Variants in CASZ1 observed in about 807,000 individuals in gnomAD.
CASZ1 encodes castor zinc finger 1.
CASZ1 carries 28 observed loss-of-function variants against 135.2 expected under a neutral mutation model. The ratio of observed to expected loss-of-function variants is 0.21; its 90% CI spans 0.15 to 0.28. The LOEUF is 0.28. CASZ1 is among the 10% of genes least tolerant of loss of function. CASZ1 has a pLI of 1.00. For missense variants in CASZ1, 2,161 were observed against 2,453.3 expected, an observed-to-expected ratio of 0.88 and a Z score of 2.52; for synonymous variants, 1,068 against 1,073.4, an observed-to-expected ratio of 0.99 and a Z score of 0.10.
At position 10,727,739 on chromosome 1, in the gene CASZ1, G is replaced by A. The variant is rs781569946; in HGVS notation, c.-76-22195C>T. Among the ~76,000 whole-genome samples the A allele has an allele frequency of 3.8e-4, 58 of 152,200 alleles. 1 individual carries two copies. The highest frequency in any genetic ancestry group is 5.9e-4 in the Non-Finnish European group (40 of 68,028). On this transcript the variant is annotated intron_variant, in intron 2 of 20. Coordinates refer to ENST00000377022, the MANE Select transcript of CASZ1 (RefSeq NM_001079843.3). This position sits in a 1 kb window ranked among gnomAD's most constrained non-coding sequence, Gnocchi z 5.3. ...GAGCTGAGAAGCTGGCCTTCACCTC[G>A]TTCCTGATCAGAGGCTGAGGAAGGC...
At chr1:10,688,514 C>A (rs568597599) in intron 4 of CASZ1, among the ~76,000 whole-genome samples, 11 of 152,258 alleles carry the variant, frequency 7.2e-5, no homozygotes, top group Admixed American at 5.9e-4. Flanking sequence ...CCCTTAAGGC[C>A]ACTCTTTCAC....
intron 4 of CASZ1, among the ~76,000 whole-genome samples, chr1:10,690,647 G>A (rs572291119): frequency 1.3e-5 from 2 of 152,242 alleles, no homozygotes; most frequent in South Asian, 2.1e-4. Flanking sequence ...CAGCCACAGC[G>A]ACACATGGGC....
chr1:10,738,676 GC>G (rs2100525653), intron 2 of CASZ1, among the ~76,000 whole-genome samples: 2 of 152,388 alleles, frequency 1.3e-5, no homozygotes, highest in African/African-American at 4.8e-5. Context: ...CAAAGGTGGG[GC>G]TGAAGGTGAG....
intron 1 of CASZ1, among the ~76,000 whole-genome samples, chr1:10,793,104 T>TA (rs949883126): frequency 6.6e-5 from 10 of 152,210 alleles, no homozygotes; most frequent in Admixed American, 3.3e-4. Flanking sequence ...TTTTTCTTAT[T>TA]AAAAAATTAT....
intron 3 of CASZ1, chr1:10,704,566 G>C (rs190410476): frequency 5.9e-5 from 9 of 152,368 alleles, no homozygotes; most frequent in South Asian, 2.1e-4. Context: ...CGTCCTCCTG[G>C]GGGGAAGGGG....
chr1:10,653,676 C>A lies in CASZ1; in HGVS notation c.2381G>T (p.Gly794Val). ...IPLALALSNS[G>V]LPTPTPYFPI... ...GAAGTAGGGCGTGGGGGTGGGCAGG[C>A]CCGAGTTGGAGAGGGCCAGGGCCAG... Residue 794 changes from glycine (G) to valine (V), a missense_variant, in exon 11 of 21, where the codon GGC (glycine) becomes GTC (valine). Physicochemically the swap from Gly to Val is moderately radical, Grantham distance 109. Transcript: ENST00000377022. 6.4e-7 allele frequency: 1 copy of A among 1,561,182 alleles called. No individual in the cohort carries two copies. The highest frequency in any genetic ancestry group is 8.7e-7 in the Non-Finnish European group (1 of 1,153,940).
chr1:10,710,463 G>GGA (rs1277050990), intron 2 of CASZ1, among the ~76,000 whole-genome samples: 1 of 152,198 alleles, frequency 6.6e-6, no homozygotes, highest in African/African-American at 2.4e-5. Context: ...AGTCTCCCCA[G>GGA]GAGGAAGGGT....
chr1:10,709,686 G>C lies in CASZ1; in HGVS notation c.-76-4142C>G, dbSNP rs1462622115. Among the ~76,000 whole-genome samples, 3 of 152,184 alleles carry C rather than the reference G, an allele frequency of 2.0e-5. No individual in the cohort carries two copies. Among genetic ancestry groups the C allele is most frequent in the Admixed American group, 6.5e-5 (1 of 15,286 alleles). On this transcript the variant is annotated intron_variant, in intron 2 of 20. Coordinates refer to ENST00000377022, the MANE Select transcript of CASZ1 (RefSeq NM_001079843.3). The surrounding 1 kb of genome is among the most constrained non-coding windows in gnomAD (Gnocchi z 5.1). ...AGAAAGCGAATCAAAGTGCTGCCCG[G>C]AGGACGGCTGGGGAGAGAAAGGCCC...
At chr1:10,656,559 C>T (rs1348554362) in intron 8 of CASZ1, 87 bp downstream of exon 8, 32 of 1,002,824 alleles carry the variant, frequency 3.2e-5, no homozygotes, top group East Asian at 5.2e-5. Context: ...CTAACCCCCC[C>T]CACTGCCGTC....
Position 10,647,391 on chromosome 1 carries a change from A to T in CASZ1, c.3497+410T>A. 1 of 1,072,336 alleles carries T rather than the reference A, an allele frequency of 9.3e-7. No homozygotes were observed. Among genetic ancestry groups the T allele is most frequent in the Non-Finnish European group, 1.1e-6 (1 of 883,040 alleles). The allele number at this position is 1,072,336 out of a possible 1,614,324, so 66.4% of individuals were successfully genotyped here. Reference sequence around the variant, plus strand: ...TGGAGGGGCCTGGCCCCTACCCGTGACTTCACGTGCCCTGCAGAGATTCAG... The same window carrying T: ...TGGAGGGGCCTGGCCCCTACCCGTGTCTTCACGTGCCCTGCAGAGATTCAG... On this transcript the variant is annotated intron_variant, in intron 16 of 20. Coordinates refer to ENST00000377022, the MANE Select transcript of CASZ1 (RefSeq NM_001079843.3). The surrounding 1 kb of genome is among the most constrained non-coding windows in gnomAD (Gnocchi z 4.9).
chr1:10,769,660 G>T (rs1002158537), intron 1 of CASZ1, among the ~76,000 whole-genome samples: 1 of 151,986 alleles, frequency 6.6e-6, no homozygotes, highest in African/African-American at 2.4e-5. Flanking sequence ...GGGATTACAG[G>T]TGCGCACCAC....
intron 4 of CASZ1, among the ~76,000 whole-genome samples, chr1:10,674,396 G>A (rs1338742505): frequency 6.6e-6 from 1 of 152,254 alleles, no homozygotes; most frequent in Non-Finnish European, 1.5e-5. Context: ...TGAATCCAGC[G>A]TGGGGTCCGA....
rs528769907 is a variant in CASZ1, at chr1:10,666,543, C to G, written c.17-972G>C. Among the ~76,000 whole-genome samples, 1 of 152,296 alleles carries G rather than the reference C, an allele frequency of 6.6e-6. No homozygotes were observed. The highest frequency in any genetic ancestry group is 2.4e-5 in the African/African-American group (1 of 41,582). ...AGCTCCAGCAGGTGCAGGGTGGGAT[C>G]GCTTAGGTCCCTCACGGAACGCCCC... On this transcript the variant is annotated intron_variant, in intron 4 of 20. Transcript: ENST00000377022. This position sits in a 1 kb window ranked among gnomAD's most constrained non-coding sequence, Gnocchi z 5.2.
rs991274083 is a variant in CASZ1 at position 10,687,391 on chromosome 1, C to T, written c.16+6483G>A. Among the ~76,000 whole-genome samples the T allele has an allele frequency of 3.3e-5, 5 of 152,358 alleles. No individual in the cohort carries two copies. The East Asian group carries it at 5.8e-4, about 18-fold the overall frequency. The stretch of plus-strand genomic sequence containing the variant: ...AAGGGTGTCAGCAGGTGAGTGATTA[C>T]AGCACCAGCAGGGCCCAGAAGGGCC... On this transcript the variant is annotated intron_variant, in intron 4 of 20. Coordinates refer to ENST00000377022, the MANE Select transcript of CASZ1 (RefSeq NM_001079843.3).
At position 10,647,752 on chromosome 1, in the gene CASZ1, C is replaced by T; in HGVS notation, c.3497+49G>A. 1 of 1,608,806 alleles carries T rather than the reference C, an allele frequency of 6.2e-7. No individual in the cohort carries two copies. The highest frequency in any genetic ancestry group is 8.5e-7 in the Non-Finnish European group (1 of 1,179,854). On this transcript the variant is annotated intron_variant, in intron 16 of 20. Transcript: ENST00000377022. The surrounding 1 kb of genome is among the most constrained non-coding windows in gnomAD (Gnocchi z 4.9). ...CCTAGCGCCCTTGCTAGCACCTACT[C>T]CCGAGACGCGAGGGGAACGCGGGAC...
At position 10,657,996 on chromosome 1, in the gene CASZ1, C is replaced by CT. The variant is rs1194066214; in HGVS notation, c.1409+511dup. On this transcript the variant is annotated intron_variant, in intron 7 of 20. Transcript: ENST00000377022. This position sits in a 1 kb window ranked among gnomAD's most constrained non-coding sequence, Gnocchi z 5.7. ...ACCTTCTCTCTCGCTTTCTCTCTCT[C>CT]TTTTTTTTTTTTTTTTTAAAGAGAT... 0.023 allele frequency: 2,951 copies of CT among 126,134 alleles called. 48 individuals carry two copies. Among genetic ancestry groups the CT allele is most frequent in the East Asian group, 0.11 (464 of 4,100 alleles). 7.8% of individuals were successfully genotyped at this position (126,134 alleles called of 1,614,324 possible).
At chr1:10,779,599 C>T (rs542360053) in intron 1 of CASZ1, among the ~76,000 whole-genome samples, 1 of 152,308 alleles carries the variant, frequency 6.6e-6, no homozygotes, top group African/African-American at 2.4e-5. Flanking sequence ...AACAAATCAC[C>T]GTAGTCCCAC....
chr1:10,781,642 G>A (rs2100613195), intron 1 of CASZ1, among the ~76,000 whole-genome samples: 1 of 152,304 alleles, frequency 6.6e-6, no homozygotes, highest in East Asian at 1.9e-4. Context: ...GGCCTTGGGG[G>A]TCTCTGGAGC....
rs368530771 is a variant in CASZ1, at chr1:10,665,102, G to A, written c.486C>T (p.Pro162=). 5.7e-5 allele frequency: 86 copies of A among 1,507,202 alleles called. 2 individuals are homozygous for A. In the South Asian group the frequency reaches 1.1e-3, roughly 19 times the overall value. The allele number at this position is 1,507,202 out of a possible 1,614,324, so 93.4% of individuals were successfully genotyped here. The part of the protein sequence containing the change: ...DGAASKEDSG[P]STRQASGEAS... ...ACCCACCTGAAGCCTGCCTGGTGCTGGGGCCGCTGTCCTCCTTGGAGGCTG... is the reference window on the plus strand; with the variant it reads ...ACCCACCTGAAGCCTGCCTGGTGCTAGGGCCGCTGTCCTCCTTGGAGGCTG... The change falls in exon 5 of 21, where the codon CCC becomes CCT. Residue 162 remains proline, a synonymous_variant. Transcript: ENST00000377022.
Sources: allele counts gnomAD v4.1 joint callset (sites outside exome capture counted in the v4.1 genomes callset), GRCh38; gene constraint gnomAD v4.1.1; non-coding constraint Gnocchi (gnomAD v3.1); transcripts MANE v1.5; gene names NCBI Gene and HGNC (gene_info 2026-07-23, HGNC 2026-07-21).